Variants in ZBTB48 observed in about 807,000 individuals in gnomAD.
ZBTB48 encodes zinc finger and BTB domain containing 48, also known as zinc finger and BTB domain-containing protein 48.
In ZBTB48, 35 loss-of-function variants were observed where a neutral mutation model predicts 64.5. That is an observed-to-expected ratio of 0.54 (90% CI 0.41 to 0.72). The LOEUF is 0.72. ZBTB48 is among the 30% of genes least tolerant of loss of function. The pLI, the probability that ZBTB48 is intolerant of heterozygous loss-of-function variation, is 0.00. For missense variants in ZBTB48, 828 were observed against 895.3 expected (o/e 0.92, Z 0.96); for synonymous variants, 442 against 356.7 (o/e 1.24, Z -2.70).
At chr1:6,585,400 A>C (rs1041261192) in intron 3 of ZBTB48, 2 of 158,006 alleles carry the variant, frequency 1.3e-5, no homozygotes, top group African/African-American at 4.8e-5. Context: ...AGCACTGGGG[A>C]TACGTGAGCC....
intron 2 of ZBTB48, 95 bp from the exon 3 acceptor site, chr1:6,581,957 TGTCAGG>T: frequency 2.6e-6 from 4 of 1,542,166 alleles, no homozygotes; most frequent in Non-Finnish European, 3.5e-6. Context: ...TGAAGGGACT[TGTCAGG>T]GTTGGGGCTT....
rs750808034 is a variant in ZBTB48, at chr1:6,588,993, G to C, written c.1848G>C (p.Leu616=). The change falls in exon 11 of 11, where the codon CTG becomes CTC. Residue 616 remains leucine, a synonymous_variant. Coordinates refer to ENST00000377674, the MANE Select transcript of ZBTB48 (RefSeq NM_005341.4). Reference sequence around the variant, plus strand: ...CGCGGCAGCGCAAGCTCCGCAACCTGATCATCGAGGACGAGAAGATGGTGG... The same window carrying C: ...CGCGGCAGCGCAAGCTCCGCAACCTCATCATCGAGGACGAGAAGATGGTGG... ...YNPRQRKLRN[L]IIEDEKMVVV... The C allele has an allele frequency of 8.1e-6, 13 of 1,597,722 alleles. No individual in the cohort carries two copies. In the Middle Eastern group the frequency reaches 5.0e-4, roughly 62 times the overall value.
chr1:6,589,014 G>A lies in ZBTB48; in HGVS notation c.1869G>A (p.Met623Ile), dbSNP rs754397637. ...LRNLIIEDEKMVVVALQPPAE... is the reference protein window; with the variant it reads ...LRNLIIEDEKIVVVALQPPAE... ...ACCTGATCATCGAGGACGAGAAGAT[G>A]GTGGTGGTGGCGCTGCAGCCGCCTG... is the stretch of plus-strand genomic sequence containing the variant. Residue 623 changes from methionine (M) to isoleucine (I), a missense_variant, in exon 11 of 11, where the codon ATG becomes ATA. Physicochemically the swap from Met to Ile is conservative, Grantham distance 10. Coordinates refer to ENST00000377674, the MANE Select transcript of ZBTB48 (RefSeq NM_005341.4). The A allele has an allele frequency of 6.3e-7, 1 of 1,596,436 alleles. No individual in the cohort carries two copies. Among genetic ancestry groups the A allele is most frequent in the Non-Finnish European group, 8.5e-7 (1 of 1,169,868 alleles).
At position 6,587,382 on chromosome 1, in the gene ZBTB48, G is replaced by C. The variant is rs1342653676; in HGVS notation, c.1224+91G>C. ...GTGGGCAGCCGGCCATGTACTTTCT[G>C]TTGTTCGGGGGGGTGCTTGTGGGTC... On this transcript the variant is annotated intron_variant, in intron 6 of 10. Coordinates refer to ENST00000377674, the MANE Select transcript of ZBTB48 (RefSeq NM_005341.4). 3.7e-6 allele frequency: 6 copies of C among 1,608,984 alleles called. No homozygotes were observed. The South Asian group carries it at 5.5e-5, about 15-fold the overall frequency.
chr1:6,585,838 A>G, intron 3 of ZBTB48, 81 bp from the exon 4 acceptor site: 1 of 1,364,348 alleles, frequency 7.3e-7, no homozygotes, highest in Non-Finnish European at 1.0e-6. Flanking sequence ...TTCCCCTTAG[A>G]AGGGACCCAG....
chr1:6,587,218 C>G lies in ZBTB48; in HGVS notation c.1151C>G (p.Ser384Cys), dbSNP rs1640704287. 1.2e-6 allele frequency: 2 copies of G among 1,613,992 alleles called. No individual in the cohort carries two copies. Among genetic ancestry groups the G allele is most frequent in the Non-Finnish European group, 1.7e-6 (2 of 1,180,020 alleles). Residue 384 changes from serine to cysteine, a missense_variant, in exon 6 of 11, where the codon TCC (serine) becomes TGC (cysteine). Physicochemically the swap from Ser to Cys is moderately radical, Grantham distance 112. Coordinates refer to ENST00000377674, the MANE Select transcript of ZBTB48 (RefSeq NM_005341.4). ...CCTCTTTTTCAGTGTTCCTCCTGCT[C>G]CCAGCAGTTCATGCAGAAGAAGGAC... ...GEMPYKCSSC[S>C]QQFMQKKDLQ...
rs1640488792 is a variant in ZBTB48, at chr1:6,582,044, C to T, written c.691-14C>T. On this transcript the variant is annotated splice_polypyrimidine_tract_variant and intron_variant, in intron 2 of 10. Transcript: ENST00000377674. ...TGGTGACGCCACCCCCTCCTGCTGC[C>T]TATTGTGCTCTAGTGGGAAGTGGTG... 1.2e-6 allele frequency: 2 copies of T among 1,611,038 alleles called. No individual in the cohort carries two copies. Among genetic ancestry groups the T allele is most frequent in the East Asian group, 2.2e-5 (1 of 44,802 alleles).
intron 4 of ZBTB48, 90 bp from the exon 5 acceptor site, chr1:6,586,605 C>T: frequency 1.6e-6 from 2 of 1,235,142 alleles, no homozygotes; most frequent in Non-Finnish European, 2.1e-6. Context: ...GCAGACTCTT[C>T]CCAGCAGCAA....
rs1017427540 is a variant in ZBTB48 at position 6,588,771 on chromosome 1, G to A, written c.1697G>A (p.Arg566His). Residue 566 changes from arginine to histidine, a missense_variant, in exon 10 of 11, where the codon CGT becomes CAT. Transcript: ENST00000377674. ...CCTCTTGCAGCCGTGGAGCAACTGCGTGTGCACGTCAGACGGCACAAGGGG... is the reference window on the plus strand; with the variant it reads ...CCTCTTGCAGCCGTGGAGCAACTGCATGTGCACGTCAGACGGCACAAGGGG... The part of the protein sequence containing the change: ...GKTFKAVEQL[R>H]VHVRRHKGVR... 3 of 1,614,126 alleles carry A rather than the reference G, an allele frequency of 1.9e-6. No homozygotes were observed. The highest frequency in any genetic ancestry group is 1.1e-5 in the South Asian group (1 of 91,092).
chr1:6,580,430 A>C lies in ZBTB48; in HGVS notation c.-69-111A>C. 1.6e-6 allele frequency: 1 copy of C among 619,422 alleles called. No homozygotes were observed. The highest frequency in any genetic ancestry group is 2.7e-6 in the Non-Finnish European group (1 of 366,914). The allele number at this position is 619,422 out of a possible 1,614,324, so 38.4% of individuals were successfully genotyped here. A position where few individuals can be genotyped will look rare whatever the true frequency, so the allele number is the denominator to read the frequency against. ...GGCCCCCGGCCCCCGGGAGGCTGTC[A>C]GTGTGTTCCAGCCCTCCGCGTGCAC... On this transcript the variant is annotated intron_variant, in intron 1 of 10. Transcript: ENST00000377674. This position sits in a 1 kb window ranked among gnomAD's most constrained non-coding sequence, Gnocchi z 5.2.
intron 5 of ZBTB48, 44 bp downstream of exon 5, chr1:6,586,831 G>C: frequency 3.2e-6 from 5 of 1,587,288 alleles, no homozygotes; most frequent in Non-Finnish European, 4.3e-6. Context: ...GGTGGCCCCA[G>C]GATCCTTCCT....
In ZBTB48 at chr1:6,587,471, C is replaced by T; in HGVS notation, c.1225-7C>T. On this transcript the variant is annotated splice_polypyrimidine_tract_variant and splice_region_variant and intron_variant, in intron 6 of 10. Transcript: ENST00000377674. ...TCCCTCCCTCTGCCTGCCTGGTCTG[C>T]CTGCAGTGCCCCACCTGTGCCAAGT... The T allele has an allele frequency of 2.5e-6, 4 of 1,613,704 alleles. No individual in the cohort carries two copies. The highest frequency in any genetic ancestry group is 2.5e-6 in the Non-Finnish European group (3 of 1,179,948).
chr1:6,582,026 G>A lies in ZBTB48; in HGVS notation c.691-32G>A, dbSNP rs747145745. 9.3e-6 allele frequency: 15 copies of A among 1,605,392 alleles called. 1 individual carries two copies. The South Asian group carries it at 9.9e-5, about 11-fold the overall frequency. ...AACTCCTGCTGATTCATTTGGTGAC[G>A]CCACCCCCTCCTGCTGCCTATTGTG... On this transcript the variant is annotated intron_variant, in intron 2 of 10. Transcript: ENST00000377674.
Position 6,580,937 on chromosome 1 carries a change from C to G in ZBTB48, c.328C>G (p.Leu110Val). Residue 110 changes from leucine (L) to valine (V), a missense_variant, in exon 2 of 11, where the codon CTG becomes GTG. By Grantham distance (32) the Leu-to-Val change is conservative. Coordinates refer to ENST00000377674, the MANE Select transcript of ZBTB48 (RefSeq NM_005341.4). The surrounding 1 kb of genome is among the most constrained non-coding windows in gnomAD (Gnocchi z 5.2). Reference protein sequence around the residue: ...RELRVPEAVELCQSFKPKTSV... With the variant: ...RELRVPEAVEVCQSFKPKTSV... The stretch of plus-strand genomic sequence containing the variant: ...GTTGCGAGTGCCAGAGGCCGTAGAG[C>G]TGTGCCAGAGCTTCAAGCCCAAAAC... 1 of 1,614,006 alleles carries G rather than the reference C, an allele frequency of 6.2e-7. No homozygotes were observed. Among genetic ancestry groups the G allele is most frequent in the Non-Finnish European group, 8.5e-7 (1 of 1,180,028 alleles).
At chr1:6,582,349 T>C in intron 3 of ZBTB48, 50 bp downstream of exon 3, 4 of 1,586,774 alleles carry the variant, frequency 2.5e-6, no homozygotes, top group Non-Finnish European at 2.6e-6. Flanking sequence ...ATTCCCACGT[T>C]GGGGGAGGGG....
At chr1:6,582,369 T>A in intron 3 of ZBTB48, 70 bp downstream of exon 3, 1 of 1,560,794 alleles carries the variant, frequency 6.4e-7, no homozygotes, top group Non-Finnish European at 8.7e-7. Context: ...GTCCTGCACT[T>A]CCCACTTCTG....
At position 6,586,960 on chromosome 1, in the gene ZBTB48, T is replaced by C. The variant is rs371350709; in HGVS notation, c.1137+173T>C. The C allele has an allele frequency of 7.8e-4, 694 of 895,416 alleles. 5 individuals carry two copies. The African/African-American group carries it at 0.01, about 14-fold the overall frequency. The allele number at this position is 895,416 out of a possible 1,614,324, so 55.5% of individuals were successfully genotyped here. On this transcript the variant is annotated intron_variant, in intron 5 of 10. Transcript: ENST00000377674. ...CCCTTATCTAGGCAGGGCTACTGTC[T>C]GCAGCCTCACCTCCAAGGTCCTTAT... is the stretch of plus-strand genomic sequence containing the variant.
intron 7 of ZBTB48, 43 bp downstream of exon 7, chr1:6,587,675 A>C: frequency 6.2e-7 from 1 of 1,607,598 alleles, no homozygotes; most frequent in Non-Finnish European, 8.5e-7. Flanking sequence ...TCCTGCTGCC[A>C]GCCCAGGCTT....
At chr1:6,581,335 A>G (rs767607622) in intron 2 of ZBTB48, 36 bp downstream of exon 2, 1 of 1,531,334 alleles carries the variant, frequency 6.5e-7, no homozygotes, top group Non-Finnish European at 8.7e-7. Flanking sequence ...GGGGAGACAA[A>G]TAGAGGGAAT....
Sources: allele counts gnomAD v4.1 joint callset, GRCh38; gene constraint gnomAD v4.1.1; non-coding constraint Gnocchi (gnomAD v3.1); transcripts MANE v1.5; gene names NCBI Gene and HGNC (gene_info 2026-07-23, HGNC 2026-07-21).